CERKL: variants seen among roughly 807,000 people sequenced by gnomAD.
The protein encoded by CERKL is ceramide kinase-like protein.
In CERKL, 61 loss-of-function variants were observed where a neutral mutation model predicts 63.4. That is an observed-to-expected ratio of 0.96 (90% CI 0.78 to 1.19). The LOEUF is 1.19. Ranked by LOEUF, CERKL falls within the 50% of genes most tolerant of loss-of-function variation. CERKL has a pLI of 0.00. For synonymous variants in CERKL, 250 were observed against 230.5 expected, an observed-to-expected ratio of 1.08 and a Z score of -0.77; for missense variants, 675 against 655.5, an observed-to-expected ratio of 1.03 and a Z score of -0.33.
chr2:181,593,614 G>A (rs1345846708), intron 2 of CERKL, among the ~76,000 whole-genome samples: 1 of 151,452 alleles, frequency 6.6e-6, no homozygotes, highest in East Asian at 1.9e-4. Flanking sequence ...CTCCAAACTT[G>A]GAGAACAGGA....
chr2:181,560,008 G>A (rs1035508125), intron 4 of CERKL, among the ~76,000 whole-genome samples: 4 of 152,136 alleles, frequency 2.6e-5, no homozygotes, highest in Non-Finnish European at 5.9e-5. Flanking sequence ...CCTATTCAGA[G>A]AAAAGGAATG....
chr2:181,616,890 T>C (rs964094576), intron 1 of CERKL, among the ~76,000 whole-genome samples: 2 of 152,244 alleles, frequency 1.3e-5, no homozygotes, highest in Non-Finnish European at 2.9e-5. Context: ...TTTTCAGTGC[T>C]TATGATAAAT....
At chr2:181,564,877 T>C (rs1688596071) in intron 4 of CERKL, among the ~76,000 whole-genome samples, 1 of 152,192 alleles carries the variant, frequency 6.6e-6, no homozygotes, top group African/African-American at 2.4e-5. Flanking sequence ...ATTTTCTAAA[T>C]GAAGCCTATT....
At chr2:181,629,271 T>C (rs552392100) in intron 1 of CERKL, among the ~76,000 whole-genome samples, 134 of 152,152 alleles carry the variant, frequency 8.8e-4, no homozygotes, top group Admixed American at 3.9e-3. Flanking sequence ...AGAAAAATAA[T>C]ATTGGTGCCC....
chr2:181,598,136 C>A (rs1228599910), intron 2 of CERKL, among the ~76,000 whole-genome samples: 1 of 152,076 alleles, frequency 6.6e-6, no homozygotes. Context: ...TGGCTCCACC[C>A]CTGCTGAAAG....
intron 1 of CERKL, among the ~76,000 whole-genome samples, chr2:181,634,836 T>C (rs946973220): frequency 3.9e-5 from 6 of 152,156 alleles, no homozygotes; most frequent in Non-Finnish European, 5.9e-5. Context: ...ATTATTTTAA[T>C]GTAAAGCAAC....
At chr2:181,644,623 T>A (rs1478484911) in intron 1 of CERKL, among the ~76,000 whole-genome samples, 2 of 152,160 alleles carry the variant, frequency 1.3e-5, no homozygotes, top group Non-Finnish European at 2.9e-5. Context: ...GAGAAGTGGA[T>A]GAACCTTAAC....
intron 5 of CERKL, among the ~76,000 whole-genome samples, 189 bp from the exon 6 acceptor site, chr2:181,549,897 T>C (rs1052326641): frequency 6.6e-6 from 1 of 152,218 alleles, no homozygotes. Context: ...GCACATCAAA[T>C]GTCTACACAT....
chr2:181,556,244 T>TTATA (rs58907861), intron 5 of CERKL, among the ~76,000 whole-genome samples: 11 of 150,338 alleles, frequency 7.3e-5, no homozygotes, highest in East Asian at 5.8e-4. Context: ...AGGCTGTATA[T>TTATA]TATATATATA....
rs1684433591 is a variant in CERKL, at chr2:181,580,077, G to A, written c.482-6193C>T. ...TTTTTACATATGATCTTTGAAATAA[G>A]TTTGTCTAGCTTAAAAACATTCTCC... On this transcript the variant is annotated intron_variant, in intron 2 of 12. Transcript: ENST00000410087. Among the ~76,000 whole-genome samples the A allele has an allele frequency of 3.3e-5, 5 of 151,772 alleles. 1 individual carries two copies. The highest frequency in any genetic ancestry group is 3.3e-4 in the Admixed American group (5 of 15,254).
chr2:181,613,069 A>G (rs1348462075), intron 1 of CERKL, among the ~76,000 whole-genome samples: 4 of 152,196 alleles, frequency 2.6e-5, no homozygotes, highest in Non-Finnish European at 4.4e-5. Context: ...TCAAGTATAC[A>G]TTATTAGCCA....
intron 4 of CERKL, among the ~76,000 whole-genome samples, chr2:181,560,489 T>C (rs550316028): frequency 6.6e-6 from 1 of 152,276 alleles, no homozygotes; most frequent in African/African-American, 2.4e-5. Context: ...AAATGACAAT[T>C]ATAACAATAA....
intron 8 of CERKL, 137 bp from the exon 9 acceptor site, chr2:181,547,984 A>G: frequency 3.9e-6 from 3 of 774,160 alleles, no homozygotes; most frequent in Admixed American, 6.1e-5. Flanking sequence ...TCAATTAGAT[A>G]GTAAGTAAAA....
At chr2:181,616,878 T>C (rs1371993778) in intron 1 of CERKL, among the ~76,000 whole-genome samples, 1 of 152,230 alleles carries the variant, frequency 6.6e-6, no homozygotes, top group African/African-American at 2.4e-5. Context: ...ATTAAGTAAA[T>C]CTTTTCAGTG....
At chr2:181,567,554 A>T (rs1462693245) in intron 3 of CERKL, among the ~76,000 whole-genome samples, 1 of 140,632 alleles carries the variant, frequency 7.1e-6, no homozygotes. Context: ...TGAAAATAGC[A>T]ATTTTTTAAG....
chr2:181,622,746 A>G (rs1258836052), intron 1 of CERKL, among the ~76,000 whole-genome samples: 1 of 152,244 alleles, frequency 6.6e-6, no homozygotes, highest in Non-Finnish European at 1.5e-5. Context: ...TGTCACCCTG[A>G]AAAATTTATA....
rs1430018581 is a variant in CERKL, at chr2:181,537,800, T to C, written c.*384A>G. The C allele has an allele frequency of 2.2e-6, 1 of 464,594 alleles. No homozygotes were observed. The highest frequency in any genetic ancestry group is 4.3e-6 in the Non-Finnish European group (1 of 235,152). The allele number at this position is 464,594 out of a possible 1,614,324, so 28.8% of individuals were successfully genotyped here. A position where few individuals can be genotyped will look rare whatever the true frequency, so the allele number is the denominator to read the frequency against. Reference sequence around the variant, plus strand: ...ATTTGAATTGATATTTCATCTTGACTTTTAAAGCCCTAGAGGCTAATTGTT... The same window carrying C: ...ATTTGAATTGATATTTCATCTTGACCTTTAAAGCCCTAGAGGCTAATTGTT... On this transcript the variant is annotated 3_prime_UTR_variant, in exon 13 of 13. Coordinates refer to ENST00000410087, the MANE Select transcript of CERKL (RefSeq NM_201548.5).
chr2:181,643,902 G>C (rs973040638), intron 1 of CERKL, among the ~76,000 whole-genome samples: 18 of 152,052 alleles, frequency 1.2e-4, no homozygotes, highest in Admixed American at 3.3e-4. Flanking sequence ...CTTTCTTTGG[G>C]GAGGCACAAA....
chr2:181,545,622 G>A (rs58018201), intron 10 of CERKL, among the ~76,000 whole-genome samples: 23,869 of 152,060 alleles, frequency 0.16, 2,118 homozygotes, highest in East Asian at 0.22. Context: ...TTCATGTAGA[G>A]GGAAAAGACA....
Sources: allele counts gnomAD v4.1 joint callset (sites outside exome capture counted in the v4.1 genomes callset), GRCh38; gene constraint gnomAD v4.1.1; transcripts MANE v1.5; gene names NCBI Gene and HGNC (gene_info 2026-07-23, HGNC 2026-07-21).